Variants in GSN observed in about 807,000 individuals in gnomAD.
The protein encoded by GSN is gelsolin.
Under a neutral mutation model 85.7 loss-of-function variants are expected in GSN, and 56 were observed. That is an observed-to-expected ratio of 0.65 (90% CI 0.53 to 0.82). GSN has a LOEUF of 0.82. Among genes scored for constraint, GSN ranks in the 40% least tolerant of loss-of-function variants. The pLI is 0.00. For missense variants in GSN, 857 were observed against 979.8 expected (o/e 0.87, Z 1.67); for synonymous variants, 373 against 399.1 (o/e 0.93, Z 0.78).
chr9:121,240,983 G>T (rs747065510), intron 5 of GSN, among the ~76,000 whole-genome samples: 9 of 152,138 alleles, frequency 5.9e-5, no homozygotes, highest in Non-Finnish European at 1.3e-4. Flanking sequence ...TTTGCAGATG[G>T]TATAATTCCA....
At chr9:121,319,264 G>C (rs1475211426) in intron 10 of GSN, among the ~76,000 whole-genome samples, 1 of 152,160 alleles carries the variant, frequency 6.6e-6, no homozygotes, top group African/African-American at 2.4e-5. Context: ...GAGCTTTGCT[G>C]CCGGAGAGGA....
intron 4 of GSN, among the ~76,000 whole-genome samples, chr9:121,214,087 C>T (rs1265725159): frequency 1.3e-5 from 2 of 152,166 alleles, no homozygotes; most frequent in East Asian, 1.9e-4. Flanking sequence ...CACAGGGTTT[C>T]GTGAAGATTC....
chr9:121,229,404 G>C (rs900686988), intron 4 of GSN, among the ~76,000 whole-genome samples: 3 of 152,052 alleles, frequency 2.0e-5, no homozygotes, highest in African/African-American at 7.3e-5. Context: ...ATTTTTAGTA[G>C]AGTTGGGGTT....
intron 4 of GSN, among the ~76,000 whole-genome samples, chr9:121,306,389 T>G (rs1368659631): frequency 6.6e-6 from 1 of 152,238 alleles, no homozygotes; most frequent in East Asian, 1.9e-4. Flanking sequence ...TCATTGCTTC[T>G]TTTCCCCCTT....
At chr9:121,208,335 C>G (rs1246339432) in intron 1 of GSN, among the ~76,000 whole-genome samples, 4 of 152,160 alleles carry the variant, frequency 2.6e-5, no homozygotes, top group African/African-American at 7.2e-5. Context: ...AGCCCTGAAC[C>G]CCTTCCCCAG....
chr9:121,302,141 T>C lies in GSN; in HGVS notation c.170T>C (p.Leu57Pro). 6.2e-7 allele frequency: 1 copy of C among 1,614,172 alleles called. No homozygotes were observed. The highest frequency in any genetic ancestry group is 8.5e-7 in the Non-Finnish European group (1 of 1,179,992). The change falls in exon 3 of 18, where the codon CTG (leucine) becomes CCG (proline). Residue 57 changes from leucine to proline, a missense_variant. Transcript: ENST00000432226. ...ACAGTGCAGCTGAGGAACGGAAATCTGCAGTATGACCTCCACTACTGGCTG... is the reference window on the plus strand; with the variant it reads ...ACAGTGCAGCTGAGGAACGGAAATCCGCAGTATGACCTCCACTACTGGCTG... ...LKTVQLRNGNLQYDLHYWLGN... is the reference protein window; with the variant it reads ...LKTVQLRNGNPQYDLHYWLGN...
At chr9:121,205,732 G>C (rs1441606584), upstream of GSN, among the ~76,000 whole-genome samples, 1 of 152,120 alleles carries the variant, frequency 6.6e-6, no homozygotes, top group Non-Finnish European at 1.5e-5. Flanking sequence ...TCCTCCAGGT[G>C]TGCAGGTTGT....
intron 4 of GSN, among the ~76,000 whole-genome samples, chr9:121,211,850 T>C (rs1156364619): frequency 1.3e-5 from 2 of 152,178 alleles, no homozygotes; most frequent in Non-Finnish European, 2.9e-5. Context: ...AAAATATATT[T>C]TTTGAAGGGC....
intron 4 of GSN, among the ~76,000 whole-genome samples, chr9:121,228,439 T>A (rs1330451912): frequency 0.016 from 1,984 of 126,506 alleles, 155 homozygotes; most frequent in African/African-American, 0.061. Flanking sequence ...TTTTTTTTTT[T>A]TTTTTTTTTT....
At chr9:121,263,652 A>T (rs2055133720), upstream of GSN, among the ~76,000 whole-genome samples, 1 of 152,124 alleles carries the variant, frequency 6.6e-6, no homozygotes, top group African/African-American at 2.4e-5. Context: ...GCACTTTGGT[A>T]GGCTGAGGCA....
intron 4 of GSN, among the ~76,000 whole-genome samples, chr9:121,225,620 T>C (rs868112316): frequency 1.5e-4 from 23 of 152,354 alleles, no homozygotes; most frequent in Admixed American, 5.2e-4. Context: ...GTTTTCAAAC[T>C]AGCCACACCC....
intron 2 of GSN, among the ~76,000 whole-genome samples, chr9:121,288,099 G>C (rs1189011202): frequency 6.6e-6 from 1 of 152,022 alleles, no homozygotes; most frequent in Non-Finnish European, 1.5e-5. Context: ...GCTAATTTTT[G>C]TATTTTTTGT....
chr9:121,289,004 A>G (rs78728836), intron 2 of GSN, among the ~76,000 whole-genome samples: 5,968 of 152,134 alleles, frequency 0.039, 423 homozygotes, highest in African/African-American at 0.14. Flanking sequence ...ATGCAGAGAC[A>G]TGGTACTTAG....
At chr9:121,215,094 G>C (rs992678693) in intron 4 of GSN, among the ~76,000 whole-genome samples, 1 of 151,860 alleles carries the variant, frequency 6.6e-6, no homozygotes, top group Admixed American at 6.6e-5. Context: ...AATCCTTGTT[G>C]TTCTTGGATT....
chr9:121,257,669 G>A (rs1037993568), intron 6 of GSN, among the ~76,000 whole-genome samples: 3 of 152,272 alleles, frequency 2.0e-5, no homozygotes, highest in South Asian at 2.1e-4. Context: ...TCAGGAGTTC[G>A]AGACCAGCCT....
intron 1 of GSN, among the ~76,000 whole-genome samples, chr9:121,270,208 G>T (rs1362654961): frequency 6.6e-6 from 1 of 152,044 alleles, no homozygotes; most frequent in African/African-American, 2.4e-5. Flanking sequence ...GAAGGGCGGG[G>T]TGGTGGGAGG....
chr9:121,250,059 C>T (rs1209265409), intron 6 of GSN, among the ~76,000 whole-genome samples: 2 of 152,156 alleles, frequency 1.3e-5, no homozygotes, highest in Admixed American at 6.5e-5. Context: ...GTAAGTCTAG[C>T]CTTTGGCTCC....
At chr9:121,284,887 C>T (rs2057876910) in intron 2 of GSN, 1 of 167,276 alleles carries the variant, frequency 6.0e-6, no homozygotes, top group Non-Finnish European at 1.5e-5. Flanking sequence ...TTGCTGAAGC[C>T]TTGTCACTCC....
chr9:121,235,620 A>G (rs959427369), intron 5 of GSN, among the ~76,000 whole-genome samples: 2 of 152,194 alleles, frequency 1.3e-5, no homozygotes, highest in Non-Finnish European at 2.9e-5. Context: ...TTTGTCGCTC[A>G]TTCTTCCCCA....
Sources: gnomAD v4.1 joint callset for allele counts (sites outside exome capture counted in the v4.1 genomes callset) on GRCh38, gnomAD v4.1.1 for gene constraint, MANE v1.5 for transcripts, NCBI Gene and HGNC (gene_info 2026-07-23, HGNC 2026-07-21) for gene names.